Variants in PLXNA4 observed in about 807,000 individuals in gnomAD.
The protein encoded by PLXNA4 is plexin-A4.
Under a neutral mutation model 191.8 loss-of-function variants are expected in PLXNA4, and 44 were observed. The ratio of observed to expected loss-of-function variants is 0.23; its 90% confidence interval spans 0.18 to 0.29. The LOEUF (loss-of-function observed/expected upper bound fraction) is 0.29. Ranked by LOEUF, PLXNA4 falls within the 10% of genes least tolerant of loss-of-function variation. The pLI is 1.00. For synonymous variants in PLXNA4, 1,082 were observed against 1,009.5 expected (o/e 1.07, Z -1.36); for missense variants, 1,800 against 2,488.8 (o/e 0.72, Z 5.89).
chr7:132,519,945 C>T (rs1336984628), intron 1 of PLXNA4, among the ~76,000 whole-genome samples: 1 of 152,172 alleles, frequency 6.6e-6, no homozygotes, highest in Non-Finnish European at 1.5e-5. Context: ...TCTTCTTGTG[C>T]TAAATCCAGA....
intron 3 of PLXNA4, among the ~76,000 whole-genome samples, chr7:132,398,106 G>A (rs1202528120): frequency 6.6e-6 from 1 of 152,194 alleles, no homozygotes; most frequent in African/African-American, 2.4e-5. Context: ...CCAAAGCCAC[G>A]CTGTGCCTCT....
intron 2 of PLXNA4, among the ~76,000 whole-genome samples, chr7:132,585,044 C>T (rs1220030196): frequency 6.6e-6 from 1 of 152,120 alleles, no homozygotes. Context: ...TCTGCCTAGG[C>T]AGACAGCTCG....
intron 21 of PLXNA4, among the ~76,000 whole-genome samples, chr7:132,173,051 G>A (rs2116689418): frequency 6.6e-6 from 1 of 152,296 alleles, no homozygotes; most frequent in East Asian, 1.9e-4. Flanking sequence ...TACTCTGCTG[G>A]AAGTTAGAAC....
chr7:132,226,328 G>A (rs1798321953), intron 7 of PLXNA4, 68 bp from the exon 8 acceptor site: 1 of 1,358,150 alleles, frequency 7.4e-7, no homozygotes, highest in Non-Finnish European at 1.0e-6. Context: ...CCTGACCAGT[G>A]ACACCTGCTG....
intron 2 of PLXNA4, among the ~76,000 whole-genome samples, chr7:132,632,096 C>T (rs1019782031): frequency 1.1e-4 from 17 of 151,944 alleles, no homozygotes; most frequent in African/African-American, 2.9e-4. Flanking sequence ...ATTAGTCAGG[C>T]GTGGTGGCAC....
intron 4 of PLXNA4, among the ~76,000 whole-genome samples, chr7:132,265,919 G>A (rs1799834841): frequency 1.3e-5 from 2 of 152,146 alleles, no homozygotes; most frequent in South Asian, 2.1e-4. Context: ...GTGCACACAG[G>A]TCCTAACTAT....
intron 25 of PLXNA4, among the ~76,000 whole-genome samples, chr7:132,150,888 G>A (rs76151171): frequency 2.9e-4 from 44 of 152,284 alleles, no homozygotes; most frequent in South Asian, 1.2e-3. Flanking sequence ...CAGCCTGGGC[G>A]GCCATACTCA....
At position 132,624,622 on chromosome 7, in the gene PLXNA4, G is replaced by A. The variant is rs559110853; in HGVS notation, c.-87+21306C>T. Among the ~76,000 whole-genome samples the A allele has an allele frequency of 1.6e-4, 24 of 152,252 alleles. No individual in the cohort carries two copies. In the South Asian group the frequency reaches 1.7e-3, roughly 11 times the overall value. ...CTGGGGGCTACTCAATCTTGGAAAGGGAAGCATGAGCTTGAAAACTACAGT... is the reference window on the plus strand; with the variant it reads ...CTGGGGGCTACTCAATCTTGGAAAGAGAAGCATGAGCTTGAAAACTACAGT... On this transcript the variant is annotated intron_variant, in intron 2 of 4. Transcript: ENST00000378539.
chr7:132,443,035 T>C lies in PLXNA4; in HGVS notation c.1371+46257A>G, dbSNP rs201195225. On this transcript the variant is annotated intron_variant, in intron 3 of 31. Transcript: ENST00000321063. ...CTGAACACCCCTCCTGCTGGTTTTA[T>C]CACGAAGGAGACCAACCAACCGAAG... Among the ~76,000 whole-genome samples the C allele has an allele frequency of 3.3e-4, 50 of 152,284 alleles. No homozygotes were observed. In the East Asian group the frequency reaches 4.3e-3, roughly 13 times the overall value.
At chr7:132,344,909 A>T (rs1161173619) in intron 3 of PLXNA4, among the ~76,000 whole-genome samples, 1 of 152,120 alleles carries the variant, frequency 6.6e-6, no homozygotes, top group Non-Finnish European at 1.5e-5. Context: ...TCCCCACCCC[A>T]GTAAGAGGAA....
At chr7:132,431,158 T>C (rs765062163) in intron 3 of PLXNA4, among the ~76,000 whole-genome samples, 3 of 152,218 alleles carry the variant, frequency 2.0e-5, no homozygotes, top group Non-Finnish European at 4.4e-5. Flanking sequence ...ACATGTGAAG[T>C]GCTTACCCTC....
intron 1 of PLXNA4, among the ~76,000 whole-genome samples, chr7:132,544,289 T>A: frequency 6.6e-6 from 1 of 152,178 alleles, no homozygotes; most frequent in Non-Finnish European, 1.5e-5. Context: ...TGATTTCATA[T>A]GAGAATAGAG....
chr7:132,479,949 C>A (rs976414731), intron 3 of PLXNA4, among the ~76,000 whole-genome samples: 4 of 152,166 alleles, frequency 2.6e-5, no homozygotes, highest in Non-Finnish European at 5.9e-5. Flanking sequence ...TGAGCCACTG[C>A]GCCTGGCCTC....
At chr7:132,329,734 G>A (rs1027524476) in intron 3 of PLXNA4, among the ~76,000 whole-genome samples, 6 of 152,120 alleles carry the variant, frequency 3.9e-5, no homozygotes, top group Admixed American at 2.6e-4. Flanking sequence ...TGTCTCTGGG[G>A]GCCCTCAGGA....
At chr7:132,491,376 C>T (rs951467867) in intron 2 of PLXNA4, among the ~76,000 whole-genome samples, 20 of 152,226 alleles carry the variant, frequency 1.3e-4, no homozygotes, top group African/African-American at 4.6e-4. Flanking sequence ...GGCTCCTCCA[C>T]TCCCTCCCAG....
intron 3 of PLXNA4, among the ~76,000 whole-genome samples, chr7:132,423,141 C>CCAGGAATTAA (rs1794909112): frequency 6.6e-6 from 1 of 152,224 alleles, no homozygotes; most frequent in Non-Finnish European, 1.5e-5. Flanking sequence ...GTGGAATTAG[C>CCAGGAATTAA]CAGGAGGGGT....
rs1797779217 is a variant in PLXNA4 at position 132,210,944 on chromosome 7, G to A, written c.2297C>T (p.Ser766Phe). ...NSSSVQCQNTSYSYEGMEINN... is the reference protein window; with the variant it reads ...NSSSVQCQNTFYSYEGMEINN... ...AGTGGGCAGGGTTGGGCGACTCACA[G>A]AGGTGTTCTGGCACTGTACGCTGGA... The change falls in exon 10 of 32, where the codon TCT becomes TTT. Residue 766 changes from serine to phenylalanine, a missense_variant and splice_region_variant. Physicochemically the swap from Ser to Phe is radical, Grantham distance 155. Around this residue, in one of 6 missense-constraint regions of PLXNA4, gnomAD observed 1,397 missense variants for 1,880.4 expected, o/e 0.74. Transcript: ENST00000321063. 3 of 1,610,730 alleles carry A rather than the reference G, an allele frequency of 1.9e-6. No homozygotes were observed. The highest frequency in any genetic ancestry group is 2.5e-6 in the Non-Finnish European group (3 of 1,178,900).
chr7:132,200,408 G>A (rs186607583), intron 12 of PLXNA4, among the ~76,000 whole-genome samples: 3 of 152,268 alleles, frequency 2.0e-5, no homozygotes, highest in Admixed American at 2.0e-4. Flanking sequence ...CCAGGTATGG[G>A]GTCAGGGGCA....
At chr7:132,148,493 G>A (rs1395733708) in intron 26 of PLXNA4, 50 bp downstream of exon 26, 3 of 1,609,822 alleles carry the variant, frequency 1.9e-6, no homozygotes, top group East Asian at 2.2e-5. Flanking sequence ...GATTTCCAGG[G>A]CAAGGGACTT....
Sources: allele counts gnomAD v4.1 joint callset (sites outside exome capture counted in the v4.1 genomes callset), GRCh38; gene constraint gnomAD v4.1.1; regional missense constraint gnomAD v4.1.1; transcripts MANE v1.5; gene names NCBI Gene and HGNC (gene_info 2026-07-23, HGNC 2026-07-21).